SLC4A4: variants seen among roughly 807,000 people sequenced by gnomAD.
SLC4A4 encodes the protein solute carrier family 4 member 4.
SLC4A4 carries 27 observed loss-of-function variants against 111.5 expected under a neutral mutation model. The observed-to-expected ratio is 0.24, with a 90% CI of 0.18 to 0.33. The LOEUF is 0.33. Among genes scored for constraint, SLC4A4 ranks in the 10% least tolerant of loss-of-function variants. The probability of loss-of-function intolerance (pLI) is 1.00; values close to 1 mark genes in which losing one functional copy is unlikely to be tolerated. For synonymous variants in SLC4A4, 443 were observed against 463.4 expected (o/e 0.96, Z 0.57); for missense variants, 909 against 1,315.5 (o/e 0.69, Z 4.78).
intron 2 of SLC4A4, among the ~76,000 whole-genome samples, chr4:71,101,867 T>G (rs1742750001): frequency 6.6e-6 from 1 of 151,660 alleles, no homozygotes; most frequent in South Asian, 2.1e-4. Flanking sequence ...AGAACGCCTC[T>G]CCTCCTCCAA....
At chr4:71,228,665 T>A (rs1004856036) in intron 1 of SLC4A4, among the ~76,000 whole-genome samples, 1 of 152,224 alleles carries the variant, frequency 6.6e-6, no homozygotes, top group Non-Finnish European at 1.5e-5. Context: ...GACCACCATG[T>A]AGAATAATGT....
chr4:71,341,516 G>A (rs1253763198), intron 4 of SLC4A4, among the ~76,000 whole-genome samples: 2 of 152,076 alleles, frequency 1.3e-5, no homozygotes, highest in Non-Finnish European at 1.5e-5. Context: ...TAAGCCAATA[G>A]CCTTTCCCTT....
At chr4:71,066,442 G>A (rs181254683) in intron 1 of SLC4A4, among the ~76,000 whole-genome samples, 31 of 152,102 alleles carry the variant, frequency 2.0e-4, no homozygotes, top group African/African-American at 4.3e-4. Context: ...TTCCCTTTCC[G>A]TGATAACACA....
At chr4:71,255,150 TA>T in intron 2 of SLC4A4, 69 bp from the exon 3 acceptor site, 1 of 1,321,792 alleles carries the variant, frequency 7.6e-7, no homozygotes, top group South Asian at 1.2e-5. Context: ...CTGATCTGTG[TA>T]TCTTGTGCAA....
At chr4:71,240,385 T>A (rs1263418346) in intron 2 of SLC4A4, among the ~76,000 whole-genome samples, 2 of 152,164 alleles carry the variant, frequency 1.3e-5, no homozygotes, top group Non-Finnish European at 2.9e-5. Context: ...CTTCTTAACA[T>A]CAAGTTCAAC....
At chr4:71,305,756 A>G (rs1353883761) in intron 3 of SLC4A4, among the ~76,000 whole-genome samples, 6 of 152,226 alleles carry the variant, frequency 3.9e-5, no homozygotes. Context: ...GAATCTAGGA[A>G]CTGGAAAAGG....
intron 6 of SLC4A4, among the ~76,000 whole-genome samples, chr4:71,389,802 C>G (rs1719094996): frequency 6.6e-6 from 1 of 152,134 alleles, no homozygotes; most frequent in East Asian, 1.9e-4. Context: ...ATGCCAAGGT[C>G]TGAGGCTATA....
chr4:71,109,669 A>G (rs890724182), intron 2 of SLC4A4, among the ~76,000 whole-genome samples: 3 of 151,848 alleles, frequency 2.0e-5, no homozygotes, highest in African/African-American at 7.3e-5. Context: ...CAGCCTCCCA[A>G]GAAGCTGGGA....
rs186821969 is a variant in SLC4A4 at position 71,348,741 on chromosome 4, T to C, written c.390-1171T>C. Among the ~76,000 whole-genome samples the C allele has an allele frequency of 4.0e-4, 61 of 152,318 alleles. 2 individuals are homozygous for C. Among genetic ancestry groups the C allele is most frequent in the Admixed American group, 3.4e-3 (52 of 15,302 alleles). On this transcript the variant is annotated intron_variant, in intron 4 of 25. Coordinates refer to ENST00000264485, the MANE Select transcript of SLC4A4 (RefSeq NM_001098484.3). ...GCTTGATCTATTTTCACTCCTGGTC[T>C]ACTAATGTGTTTTTTTTTCCCCTCC...
chr4:71,298,267 G>GTA (rs895566391), intron 3 of SLC4A4, among the ~76,000 whole-genome samples: 4 of 152,122 alleles, frequency 2.6e-5, no homozygotes, highest in African/African-American at 9.7e-5. Context: ...TCATCAAAAG[G>GTA]TATATTTATA....
intron 3 of SLC4A4, among the ~76,000 whole-genome samples, chr4:71,332,263 C>G (rs1275455394): frequency 6.6e-6 from 1 of 151,876 alleles, no homozygotes; most frequent in East Asian, 1.9e-4. Flanking sequence ...ATGCATTGTT[C>G]GGTTTTTTGT....
At chr4:71,135,083 A>ATGCCTCGAATCTTAGCC (rs376510165) in intron 2 of SLC4A4, among the ~76,000 whole-genome samples, 40 of 152,064 alleles carry the variant, frequency 2.6e-4, no homozygotes, top group African/African-American at 9.7e-4. Flanking sequence ...GTTCTTTAGC[A>ATGCCTCGAATCTTAGCC]TAAGTTCCAT....
At chr4:71,394,633 T>C (rs1330405929) in intron 6 of SLC4A4, among the ~76,000 whole-genome samples, 1 of 151,966 alleles carries the variant, frequency 6.6e-6, no homozygotes, top group Non-Finnish European at 1.5e-5. Context: ...GTAGAACTAC[T>C]ATAGCAGCAC....
chr4:71,570,706 A>G lies in SLC4A4; in HGVS notation c.*2955A>G, dbSNP rs1256453153. On this transcript the variant is annotated 3_prime_UTR_variant, in exon 26 of 26. Coordinates refer to ENST00000264485, the MANE Select transcript of SLC4A4 (RefSeq NM_001098484.3). ...GTGGTTGCAGAAACACTGTTGGAAG[A>G]AAAGAGATGACTAAGTCAAGTGTCT... 6 of 152,230 alleles carry G rather than the reference A, an allele frequency of 3.9e-5. No individual in the cohort carries two copies. Among genetic ancestry groups the G allele is most frequent in the Non-Finnish European group, 5.9e-5 (4 of 67,862 alleles). 9.4% of individuals were successfully genotyped at this position (152,230 alleles called of 1,614,324 possible).
At chr4:71,258,636 G>A (rs556684860) in intron 3 of SLC4A4, among the ~76,000 whole-genome samples, 1 of 152,110 alleles carries the variant, frequency 6.6e-6, no homozygotes, top group Non-Finnish European at 1.5e-5. Context: ...GCTTTAATTG[G>A]TCTAAATATT....
At chr4:71,439,468 A>AAAAAAAAAAAAAAAG (rs1560509648) in intron 7 of SLC4A4, among the ~76,000 whole-genome samples, 2 of 138,426 alleles carry the variant, frequency 1.4e-5, no homozygotes, top group Non-Finnish European at 3.2e-5. Flanking sequence ...AAAAAAAAAA[A>AAAAAAAAAAAAAAAG]AAAGAAAAGA....
In SLC4A4 at chr4:71,339,521, C is replaced by G. The variant is rs375887837; in HGVS notation, c.389+16C>G. The G allele has an allele frequency of 4.3e-6, 7 of 1,611,338 alleles. No homozygotes were observed. The African/African-American group carries it at 9.4e-5, about 22-fold the overall frequency. ...AAACAGCCAGGTGAGGCATAGCTGA[C>G]TGTATGTAGTACTGACCCAGGGAAA... On this transcript the variant is annotated intron_variant, in intron 4 of 25. Transcript: ENST00000264485.
intron 3 of SLC4A4, among the ~76,000 whole-genome samples, chr4:71,337,291 G>A (rs903247864): frequency 2.6e-5 from 4 of 152,096 alleles, no homozygotes; most frequent in African/African-American, 9.7e-5. Flanking sequence ...AGCACCGTGA[G>A]GGCTGCCTCA....
At chr4:71,112,136 C>G (rs946255423) in intron 2 of SLC4A4, among the ~76,000 whole-genome samples, 3 of 152,232 alleles carry the variant, frequency 2.0e-5, no homozygotes, top group African/African-American at 7.2e-5. Context: ...CTTCCTTCCA[C>G]TCTGGCTGCT....
Sources: gnomAD v4.1 joint callset for allele counts (sites outside exome capture counted in the v4.1 genomes callset) on GRCh38, gnomAD v4.1.1 for gene constraint, MANE v1.5 for transcripts, NCBI Gene and HGNC (gene_info 2026-07-23, HGNC 2026-07-21) for gene names.